Variants in CIMIP1 observed in about 807,000 individuals in gnomAD.
CIMIP1 encodes low in lung cancer 1.
At chr20:58,158,507 A>C in the CIMIP1 span, among the ~76,000 whole-genome samples, 1 of 152,112 alleles carries the variant, frequency 6.6e-6, no homozygotes, top group East Asian at 1.9e-4. Context: ...AAAATTAGCC[A>C]GGCATGGCGG....
chr20:58,155,542 G>A, the CIMIP1 span: 174 of 1,613,996 alleles, frequency 1.1e-4, no homozygotes, highest in Middle Eastern at 1.6e-4. Flanking sequence ...GCATCCGGCC[G>A]GTGACCCCAG....
chr20:58,157,325 G>A, the CIMIP1 span, among the ~76,000 whole-genome samples: 1 of 152,312 alleles, frequency 6.6e-6, no homozygotes, highest in East Asian at 1.9e-4. Flanking sequence ...GAAAGCTGAA[G>A]CTTAAAAAAG....
the CIMIP1 span, among the ~76,000 whole-genome samples, chr20:58,159,992 C>A: frequency 2.6e-5 from 4 of 152,204 alleles, no homozygotes; most frequent in Non-Finnish European, 5.9e-5. Context: ...TATCTCAGTT[C>A]TTCTGCTAGA....
the CIMIP1 span, among the ~76,000 whole-genome samples, chr20:58,160,378 C>A: frequency 1.1e-4 from 16 of 152,180 alleles, no homozygotes; most frequent in Non-Finnish European, 2.1e-4. Flanking sequence ...ATTTCTGCAT[C>A]TTTTTTTCTT....
At chr20:58,159,426 A>G in the CIMIP1 span, among the ~76,000 whole-genome samples, 1 of 151,870 alleles carries the variant, frequency 6.6e-6, no homozygotes, top group Non-Finnish European at 1.5e-5. Flanking sequence ...GAGGCAAGAG[A>G]ATCACTTGAA....
At chr20:58,150,942 G>A in the CIMIP1 span, 11 of 1,592,024 alleles carry the variant, frequency 6.9e-6, no homozygotes, top group Non-Finnish European at 8.6e-6. Flanking sequence ...GAGCTTGCGG[G>A]GCGCACAGAG....
the CIMIP1 span, chr20:58,153,670 T>C: frequency 7.6e-7 from 1 of 1,320,346 alleles, no homozygotes; most frequent in African/African-American, 1.5e-5. Context: ...AATCAATCAT[T>C]TCAAAGAATG....
At chr20:58,153,159 A>G in the CIMIP1 span, among the ~76,000 whole-genome samples, 28 of 152,192 alleles carry the variant, frequency 1.8e-4, no homozygotes, top group African/African-American at 6.8e-4. Context: ...GGTCATGCAG[A>G]CGCTGTCTCT....
the CIMIP1 span, chr20:58,161,100 TA>T: frequency 1.5e-3 from 367 of 252,516 alleles, no homozygotes; most frequent in Middle Eastern, 2.4e-3. Flanking sequence ...TGCAGGGCTT[TA>T]AAAAAAAATA....
At chr20:58,153,418 G>T in the CIMIP1 span, 1 of 698,340 alleles carries the variant, frequency 1.4e-6, no homozygotes, top group Non-Finnish European at 2.6e-6. Flanking sequence ...ACGCTGTCTG[G>T]CTCCTCACTC....
chr20:58,159,179 T>C, the CIMIP1 span, among the ~76,000 whole-genome samples: 2 of 139,152 alleles, frequency 1.4e-5, no homozygotes, highest in Admixed American at 1.5e-4. Context: ...ATCTGCACTT[T>C]CTTCTTTTTT....
chr20:58,157,734 G>T, the CIMIP1 span, among the ~76,000 whole-genome samples: 8 of 152,178 alleles, frequency 5.3e-5, no homozygotes, highest in Non-Finnish European at 1.0e-4. Context: ...ACAGAAATTT[G>T]CTCTGAGTCC....
the CIMIP1 span, among the ~76,000 whole-genome samples, chr20:58,157,867 G>A: frequency 1.3e-5 from 2 of 152,180 alleles, no homozygotes; most frequent in African/African-American, 2.4e-5. Flanking sequence ...AAGAGAGACT[G>A]GGATGTAGGT....
At chr20:58,152,722 CAAAA>C in the CIMIP1 span, among the ~76,000 whole-genome samples, 20 of 84,864 alleles carry the variant, frequency 2.4e-4, no homozygotes, top group African/African-American at 5.9e-4. Context: ...GAAACTCCAT[CAAAA>C]AAAAAAAAAA....
At chr20:58,154,799 T>G in the CIMIP1 span, among the ~76,000 whole-genome samples, 1 of 152,162 alleles carries the variant, frequency 6.6e-6, no homozygotes, top group Non-Finnish European at 1.5e-5. Flanking sequence ...TTTTTGGCAT[T>G]TTTTGTTAGT....
chr20:58,159,951 A>C, the CIMIP1 span, among the ~76,000 whole-genome samples: 2 of 152,210 alleles, frequency 1.3e-5, no homozygotes, highest in African/African-American at 2.4e-5. Flanking sequence ...AGTAAAAGTG[A>C]ACTCATAACC....
At chr20:58,155,675 G>T in the CIMIP1 span, 2 of 902,568 alleles carry the variant, frequency 2.2e-6, no homozygotes, top group South Asian at 3.2e-5. Context: ...AGCCAGCACT[G>T]AAGGTAAGAG....
the CIMIP1 span, among the ~76,000 whole-genome samples, chr20:58,158,593 T>C: frequency 6.6e-6 from 1 of 151,466 alleles, no homozygotes; most frequent in South Asian, 2.1e-4. Context: ...CAGCTTGCAG[T>C]GAGCCGAGAT....
the CIMIP1 span, chr20:58,161,121 A>G: frequency 1.3e-5 from 3 of 226,792 alleles, no homozygotes; most frequent in African/African-American, 6.8e-5. Context: ...AAGTGATTCA[A>G]TTTTAAAAAT....
Sources: gnomAD v4.1 joint callset for allele counts (sites outside exome capture counted in the v4.1 genomes callset) on GRCh38, gnomAD v4.1.1 for gene constraint, MANE v1.5 for transcripts, NCBI Gene and HGNC (gene_info 2026-07-23, HGNC 2026-07-21) for gene names.